Variants in CCND3 observed in about 807,000 individuals in gnomAD.
The protein encoded by CCND3 is G1/S-specific cyclin-D3.
In CCND3, 9 loss-of-function variants were observed where a neutral mutation model predicts 28.7. The observed-to-expected ratio is 0.31, with a 90% CI of 0.19 to 0.55. The LOEUF (loss-of-function observed/expected upper bound fraction) is 0.55, where lower values mean the gene tolerates loss of function less well. Among genes scored for constraint, CCND3 ranks in the 20% least tolerant of loss-of-function variants. The pLI is 0.93. For missense variants in CCND3, 315 were observed against 385.8 expected (o/e 0.82, Z 1.54); for synonymous variants, 164 against 163.9 (o/e 1.00, Z 0.00).
intron 1 of CCND3, among the ~76,000 whole-genome samples, chr6:41,957,552 TCGCTTAAGGGCA>T (rs2127402491): frequency 2.0e-5 from 3 of 152,152 alleles, no homozygotes; most frequent in African/African-American, 7.2e-5. Flanking sequence ...AGGATCAATG[TCGCTTAAGGGCA>T]CGCATCCACT....
intron 1 of CCND3, among the ~76,000 whole-genome samples, chr6:41,997,423 T>C (rs556917576): frequency 1.3e-5 from 2 of 151,908 alleles, no homozygotes; most frequent in African/African-American, 4.8e-5. Context: ...AAGATGTGAG[T>C]AGTGGGAAAT....
intron 1 of CCND3, among the ~76,000 whole-genome samples, chr6:41,964,428 TTGTG>T (rs1327443952): frequency 2.2e-5 from 3 of 137,528 alleles, no homozygotes; most frequent in South Asian, 2.4e-4. Flanking sequence ...GTGAATGTGT[TTGTG>T]TGTATGTGTG....
intron 1 of CCND3, among the ~76,000 whole-genome samples, chr6:42,009,805 T>A (rs1234252402): frequency 6.6e-6 from 1 of 151,900 alleles, no homozygotes; most frequent in Non-Finnish European, 1.5e-5. Context: ...AGACCCTGTC[T>A]CAAAAAAAAT....
chr6:41,980,206 G>C (rs1762304245), intron 1 of CCND3, among the ~76,000 whole-genome samples: 2 of 151,380 alleles, frequency 1.3e-5, no homozygotes, highest in African/African-American at 4.9e-5. Flanking sequence ...CACAATCTTG[G>C]CTCGCTGCAA....
rs766273331 is a variant in CCND3, at chr6:41,941,036, A to G, written c.198+416T>C. 4 of 1,603,884 alleles carry G rather than the reference A, an allele frequency of 2.5e-6. No individual in the cohort carries two copies. Among genetic ancestry groups the G allele is most frequent in the Non-Finnish European group, 2.6e-6 (3 of 1,174,350 alleles). On this transcript the variant is annotated intron_variant, in intron 1 of 4. Transcript: ENST00000372991. The surrounding 1 kb of genome is among the most constrained non-coding windows in gnomAD (Gnocchi z 6.1). ...CCGGAACAGGGCGCGCGCCACCCCC[A>G]TCGCCTTCCCCGCCAGAACCCCGCG...
intron 1 of CCND3, among the ~76,000 whole-genome samples, chr6:42,021,950 G>T (rs11751200): frequency 0.043 from 6,515 of 152,218 alleles, 236 homozygotes; most frequent in East Asian, 0.16. Flanking sequence ...GCTGAAGGAG[G>T]CTGGCAGCCA....
intron 1 of CCND3, among the ~76,000 whole-genome samples, chr6:42,041,624 G>A (rs1339216301): frequency 1.3e-5 from 2 of 152,164 alleles, no homozygotes; most frequent in African/African-American, 2.4e-5. Context: ...CGGCTGCTGG[G>A]AGGAAACAGC....
At chr6:41,976,022 T>TA (rs767052514) in intron 1 of CCND3, among the ~76,000 whole-genome samples, 2 of 151,670 alleles carry the variant, frequency 1.3e-5, no homozygotes, top group Non-Finnish European at 2.9e-5. Context: ...CTGGGCAACA[T>TA]ACCAAGACTC....
Position 41,940,453 on chromosome 6 carries a change from A to T in CCND3, c.331T>A (p.Ser111Thr), listed in dbSNP as rs2127393708. ...AGGGGCGTGGTCTCGCGCAGCTTGG[A>T]GGCCAGCAGCATGCAGACCGCACCC... ...LLGAVCMLLA[S>T]KLRETTPLTI... The change falls in exon 2 of 5, where the codon TCC becomes ACC. Residue 111 changes from serine (S) to threonine (T), a missense_variant. Transcript: ENST00000372991. 6.2e-7 allele frequency: 1 copy of T among 1,614,078 alleles called. No homozygotes were observed. Among genetic ancestry groups the T allele is most frequent in the Non-Finnish European group, 8.5e-7 (1 of 1,180,016 alleles).
At chr6:42,025,640 G>A (rs756566881) in intron 1 of CCND3, among the ~76,000 whole-genome samples, 4 of 152,102 alleles carry the variant, frequency 2.6e-5, no homozygotes, top group Non-Finnish European at 5.9e-5. Context: ...CCTGCACCCC[G>A]GCCGCCCCAC....
chr6:42,048,702 C>G lies in CCND3; in HGVS notation c.-247G>C, dbSNP rs543973125. 1.9e-6 allele frequency: 1 copy of G among 515,766 alleles called. No individual in the cohort carries two copies. Among genetic ancestry groups the G allele is most frequent in the East Asian group, 5.5e-5 (1 of 18,208 alleles). The allele number at this position is 515,766 out of a possible 1,614,324, so 31.9% of individuals were successfully genotyped here. ...GGCGAAGTGTTTACAAAGTCCGCGCCGCGCCGCCGATCCAGAGCTGGGCAG... is the reference window on the plus strand; with the variant it reads ...GGCGAAGTGTTTACAAAGTCCGCGCGGCGCCGCCGATCCAGAGCTGGGCAG... On this transcript the variant is annotated 5_prime_UTR_variant, in exon 1 of 5. Transcript: ENST00000372988. This position sits in a 1 kb window ranked among gnomAD's most constrained non-coding sequence, Gnocchi z 4.7.
At chr6:41,966,592 C>T (rs1303620596) in intron 1 of CCND3, among the ~76,000 whole-genome samples, 1 of 152,150 alleles carries the variant, frequency 6.6e-6, no homozygotes, top group Non-Finnish European at 1.5e-5. Flanking sequence ...TTATGTTCTC[C>T]TTCTGTTGTC....
chr6:41,983,329 G>A (rs928548356), intron 1 of CCND3, among the ~76,000 whole-genome samples: 1 of 149,062 alleles, frequency 6.7e-6, no homozygotes, highest in Admixed American at 6.7e-5. Context: ...TCGAGATCGT[G>A]CCATTGCACT....
At chr6:42,028,836 G>A (rs1045173545) in intron 1 of CCND3, among the ~76,000 whole-genome samples, 5 of 152,236 alleles carry the variant, frequency 3.3e-5, no homozygotes, top group African/African-American at 9.6e-5. Flanking sequence ...CTGGCACACA[G>A]CAAGTGTTCA....
At chr6:42,036,179 CAT>C (rs1055328064) in intron 1 of CCND3, among the ~76,000 whole-genome samples, 1 of 148,370 alleles carries the variant, frequency 6.7e-6, no homozygotes, top group African/African-American at 2.5e-5. Context: ...TTTCAGTAGA[CAT>C]GTGGTTTCAC....
At chr6:41,948,364 T>A (rs1776221608) in intron 1 of CCND3, among the ~76,000 whole-genome samples, 3 of 149,440 alleles carry the variant, frequency 2.0e-5, no homozygotes, top group African/African-American at 7.4e-5. Flanking sequence ...TGAGACAGGG[T>A]CTCACTCTGT....
chr6:42,021,107 TGAGAGA>T (rs912653276), intron 1 of CCND3, among the ~76,000 whole-genome samples: 44 of 152,062 alleles, frequency 2.9e-4, no homozygotes, highest in African/African-American at 9.7e-4. Flanking sequence ...AAAGATATTT[TGAGAGA>T]GAGAGAGAAA....
chr6:42,017,120 G>A (rs1389915845), intron 1 of CCND3, among the ~76,000 whole-genome samples: 1 of 152,112 alleles, frequency 6.6e-6, no homozygotes, highest in Non-Finnish European at 1.5e-5. Flanking sequence ...TCTGTCCCTT[G>A]CCCTGGCCCT....
intron 1 of CCND3, among the ~76,000 whole-genome samples, chr6:41,994,334 T>C (rs569606832): frequency 6.6e-6 from 1 of 152,186 alleles, no homozygotes; most frequent in South Asian, 2.1e-4. Context: ...GTTCACACAA[T>C]GACAACATCA....
Sources: allele counts gnomAD v4.1 joint callset (sites outside exome capture counted in the v4.1 genomes callset), GRCh38; gene constraint gnomAD v4.1.1; non-coding constraint Gnocchi (gnomAD v3.1); transcripts MANE v1.5; gene names NCBI Gene and HGNC (gene_info 2026-07-23, HGNC 2026-07-21).